PRUNE2: variants seen among roughly 807,000 people sequenced by gnomAD.
The protein encoded by PRUNE2 is prune homolog 2 with BCH domain.
A neutral mutation model predicts 252.0 loss-of-function variants in PRUNE2; 164 were observed. That is an observed-to-expected ratio of 0.65 (90% CI 0.57 to 0.74). PRUNE2 has a LOEUF of 0.74. Among genes scored for constraint, PRUNE2 ranks in the 30% least tolerant of loss-of-function variants. The pLI is 0.00. For missense variants in PRUNE2, 3,495 were observed against 3,711.0 expected (o/e 0.94, Z 1.51); for synonymous variants, 1,292 against 1,350.2 (o/e 0.96, Z 0.94).
chr9:76,794,600 A>G (rs1016309163), intron 6 of PRUNE2, among the ~76,000 whole-genome samples: 3 of 145,694 alleles, frequency 2.1e-5, no homozygotes, highest in African/African-American at 7.9e-5. Context: ...GGCGACAAAG[A>G]GAGACTCTGT....
Position 76,709,677 on chromosome 9 carries a change from C to T in PRUNE2, c.2597G>A (p.Gly866Asp). 6.2e-7 allele frequency: 1 copy of T among 1,613,974 alleles called. No individual in the cohort carries two copies. The highest frequency in any genetic ancestry group is 8.5e-7 in the Non-Finnish European group (1 of 1,179,880). The change falls in exon 8 of 19, where the codon GGC (glycine) becomes GAC (aspartate). Residue 866 changes from glycine to aspartate, a missense_variant. Gly to Asp is a moderately conservative substitution (Grantham distance 94, BLOSUM62 -1). Transcript: ENST00000376718. ...ATCCCTGGAGTCATTGTTTTTCTTG[C>T]CCCAGATTTCTGGAGCTGCTTCATT... ...INNEAAPEIW[G>D]KKNNDSRDHI...
intron 9 of PRUNE2, among the ~76,000 whole-genome samples, chr9:76,689,871 A>G (rs917545503): frequency 5.3e-5 from 8 of 152,244 alleles, no homozygotes; most frequent in African/African-American, 1.7e-4. Flanking sequence ...GTTGAATTTC[A>G]GGATTCAAGA....
chr9:76,828,949 G>C (rs1490190341), intron 4 of PRUNE2, among the ~76,000 whole-genome samples: 1 of 149,970 alleles, frequency 6.7e-6, no homozygotes, highest in Admixed American at 6.6e-5. Context: ...TCTGGGAGGC[G>C]GAGGTTGCAG....
chr9:76,885,192 T>C (rs896183079), intron 1 of PRUNE2, among the ~76,000 whole-genome samples: 2 of 152,252 alleles, frequency 1.3e-5, no homozygotes, highest in African/African-American at 4.8e-5. Context: ...AAAATATGTG[T>C]AAAACTCATT....
At chr9:76,716,326 G>A (rs749013980) in intron 6 of PRUNE2, among the ~76,000 whole-genome samples, 6 of 152,178 alleles carry the variant, frequency 3.9e-5, no homozygotes, top group South Asian at 2.1e-4. Context: ...CAGAGTCTCC[G>A]GCAAAACACT....
rs748638885 is a variant in PRUNE2, at chr9:76,652,473, A to C, written c.8557+10T>G. 2 of 1,599,640 alleles carry C rather than the reference A, an allele frequency of 1.3e-6. No individual in the cohort carries two copies. Among genetic ancestry groups the C allele is most frequent in the Non-Finnish European group, 1.7e-6 (2 of 1,168,856 alleles). On this transcript the variant is annotated intron_variant, in intron 11 of 18. Transcript: ENST00000376718. ...CATTTAACTTTGGCCTTGCCAACTT[A>C]GTGACTTACCATGGCCAGTGTACTC...
At chr9:76,685,850 C>T (rs1365181047) in intron 9 of PRUNE2, among the ~76,000 whole-genome samples, 2 of 152,176 alleles carry the variant, frequency 1.3e-5, no homozygotes, top group African/African-American at 4.8e-5. Flanking sequence ...ACTCTTGACT[C>T]TGGAAGGAGT....
rs1373339651 is a variant in PRUNE2, at chr9:76,703,694, T to A, written c.7919A>T (p.Glu2640Val). ...GGCATCCAGTGATGGATCACCAACC[T>A]CACTATGGCCCAAGAACATCCAACT... ...DQSWMFLGHS[E>V]VGDPSLDARD... Residue 2640 changes from glutamate (E) to valine (V), a missense_variant, in exon 9 of 19, where the codon GAG becomes GTG. By Grantham distance (121) the Glu-to-Val change is moderately radical (BLOSUM62 -2). Coordinates refer to ENST00000376718, the MANE Select transcript of PRUNE2 (RefSeq NM_015225.3). 1.2e-6 allele frequency: 2 copies of A among 1,612,686 alleles called. No homozygotes were observed. Among genetic ancestry groups the A allele is most frequent in the East Asian group, 4.5e-5 (2 of 44,886 alleles).
At chr9:76,890,193 C>T (rs2062383255) in intron 1 of PRUNE2, among the ~76,000 whole-genome samples, 1 of 152,216 alleles carries the variant, frequency 6.6e-6, no homozygotes, top group African/African-American at 2.4e-5. Flanking sequence ...GCAAACTGGG[C>T]ATAATGATGC....
intron 2 of PRUNE2, among the ~76,000 whole-genome samples, chr9:76,852,973 A>T (rs1014438519): frequency 6.6e-6 from 1 of 152,148 alleles, no homozygotes. Context: ...ATCACTCTAA[A>T]CATCAGTCTG....
rs116679920 is a variant in PRUNE2 at position 76,743,016 on chromosome 9, C to G, written c.757-29295G>C. On this transcript the variant is annotated intron_variant, in intron 6 of 18. Transcript: ENST00000376718. Reference sequence around the variant, plus strand: ...AATCACGAGGTCGGTTACCTCCATGCTGTTCTTGTGATAGTGAGTTCTCAT... The same window carrying G: ...AATCACGAGGTCGGTTACCTCCATGGTGTTCTTGTGATAGTGAGTTCTCAT... Among the ~76,000 whole-genome samples the G allele has an allele frequency of 2.5e-3, 386 of 152,300 alleles. 2 individuals are homozygous for G. The highest frequency in any genetic ancestry group is 9.0e-3 in the African/African-American group (373 of 41,560).
chr9:76,639,822 T>C (rs928355197), intron 12 of PRUNE2, among the ~76,000 whole-genome samples: 4 of 152,172 alleles, frequency 2.6e-5, no homozygotes, highest in African/African-American at 7.2e-5. Flanking sequence ...AGTGTGGCCA[T>C]TGAAACTCCG....
At chr9:76,831,948 A>C (rs973088029) in intron 4 of PRUNE2, among the ~76,000 whole-genome samples, 15 of 152,176 alleles carry the variant, frequency 9.9e-5, no homozygotes, top group African/African-American at 3.4e-4. Flanking sequence ...CACCAATCAC[A>C]AGAAAGTTGG....
At chr9:76,700,545 T>C (rs1341646594) in intron 9 of PRUNE2, among the ~76,000 whole-genome samples, 14 of 152,202 alleles carry the variant, frequency 9.2e-5, no homozygotes, top group Non-Finnish European at 1.5e-5. Flanking sequence ...ACCTTTCCTT[T>C]AGTGACTTTC....
intron 1 of PRUNE2, among the ~76,000 whole-genome samples, chr9:76,900,236 T>A (rs907139680): frequency 8.5e-5 from 13 of 152,178 alleles, no homozygotes; most frequent in African/African-American, 3.1e-4. Context: ...TATGAATACA[T>A]CATTTTGGCT....
Position 76,710,130 on chromosome 9 carries a change from G to A in PRUNE2, c.2144C>T (p.Pro715Leu), listed in dbSNP as rs2046610999. ...PKSLEFTKSGPWESEFGQPEL... is the reference protein window; with the variant it reads ...PKSLEFTKSGLWESEFGQPEL... ...AGGCTGACCAAATTCAGACTCCCAGGGACCTGACTTTGTAAATTCGAGGCT... is the reference window on the plus strand; with the variant it reads ...AGGCTGACCAAATTCAGACTCCCAGAGACCTGACTTTGTAAATTCGAGGCT... The change falls in exon 8 of 19, where the codon CCC (proline) becomes CTC (leucine). Residue 715 changes from proline (P) to leucine (L), a missense_variant. Physicochemically the swap from Pro to Leu is moderately conservative, Grantham distance 98 (BLOSUM62 -3). Coordinates refer to ENST00000376718, the MANE Select transcript of PRUNE2 (RefSeq NM_015225.3). 2 of 1,613,758 alleles carry A rather than the reference G, an allele frequency of 1.2e-6. No homozygotes were observed. Among genetic ancestry groups the A allele is most frequent in the Admixed American group, 1.7e-5 (1 of 59,986 alleles).
At chr9:76,691,977 C>T (rs1356387572) in intron 9 of PRUNE2, 1 of 684,198 alleles carries the variant, frequency 1.5e-6, no homozygotes, top group African/African-American at 1.8e-5. Context: ...CCGCCAACTT[C>T]CCAGCAGCAA....
intron 6 of PRUNE2, among the ~76,000 whole-genome samples, chr9:76,715,098 G>C (rs17786994): frequency 0.018 from 2,763 of 152,298 alleles, 45 homozygotes; most frequent in East Asian, 0.085. Flanking sequence ...ACACAGAAAT[G>C]TGTACCACAG....
At chr9:76,901,448 A>G (rs537597413) in intron 1 of PRUNE2, among the ~76,000 whole-genome samples, 1 of 152,340 alleles carries the variant, frequency 6.6e-6, no homozygotes, top group East Asian at 1.9e-4. Flanking sequence ...CAGCTTCTTC[A>G]TCATTACTAG....
Sources: allele counts gnomAD v4.1 joint callset (sites outside exome capture counted in the v4.1 genomes callset), GRCh38; gene constraint gnomAD v4.1.1; transcripts MANE v1.5; gene names NCBI Gene and HGNC (gene_info 2026-07-23, HGNC 2026-07-21).